Variants in SLC67A1 observed in about 807,000 individuals in gnomAD.
SLC67A1 encodes the protein solute carrier family 67 member A1.
At chr11:2,904,405 G>A in the SLC67A1 span, among the ~76,000 whole-genome samples, 282 of 152,328 alleles carry the variant, frequency 1.9e-3, 1 homozygote, top group African/African-American at 6.5e-3. Flanking sequence ...TGCCTCAGGC[G>A]CCCCGCCCAC....
At chr11:2,922,272 A>G in the SLC67A1 span, 9 of 1,533,104 alleles carry the variant, frequency 5.9e-6, no homozygotes, top group African/African-American at 1.4e-5. Flanking sequence ...GGGCGGTACC[A>G]TCTGTGCTTA....
At chr11:2,904,357 C>T in the SLC67A1 span, among the ~76,000 whole-genome samples, 19 of 152,200 alleles carry the variant, frequency 1.2e-4, no homozygotes, top group Non-Finnish European at 4.4e-5. Context: ...GGCAGAGGCT[C>T]CCAGCCCGAG....
the SLC67A1 span, chr11:2,903,888 A>C: frequency 5.2e-6 from 1 of 193,986 alleles, no homozygotes; most frequent in Non-Finnish European, 1.1e-5. Flanking sequence ...CTCTCCTTGC[A>C]CCTGCCCGCA....
At chr11:2,909,841 C>A in the SLC67A1 span, 1 of 1,027,800 alleles carries the variant, frequency 9.7e-7, no homozygotes, top group Admixed American at 3.4e-5. Flanking sequence ...GATGTGGCTA[C>A]TGGGGACGTC....
At chr11:2,912,257 T>C in the SLC67A1 span, among the ~76,000 whole-genome samples, 1 of 151,900 alleles carries the variant, frequency 6.6e-6, no homozygotes, top group Non-Finnish European at 1.5e-5. Flanking sequence ...CCAGACAGGG[T>C]GAGGGAGGCC....
the SLC67A1 span, chr11:2,903,510 C>T: frequency 1.9e-6 from 3 of 1,612,532 alleles, no homozygotes; most frequent in Admixed American, 3.3e-5. Context: ...CACCCCAGCC[C>T]CTGCAGCCCC....
chr11:2,910,673 T>C, the SLC67A1 span, among the ~76,000 whole-genome samples: 2 of 152,056 alleles, frequency 1.3e-5, no homozygotes, highest in East Asian at 3.9e-4. Flanking sequence ...GGACAGTGGC[T>C]GGACCAGAGG....
chr11:2,910,737 G>A, the SLC67A1 span, among the ~76,000 whole-genome samples: 1 of 152,282 alleles, frequency 6.6e-6, no homozygotes, highest in Non-Finnish European at 1.5e-5. Flanking sequence ...TTGCCAGTGG[G>A]TGGGATGTGG....
At chr11:2,909,704 C>A in the SLC67A1 span, 2 of 1,529,206 alleles carry the variant, frequency 1.3e-6, no homozygotes, top group African/African-American at 1.4e-5. Flanking sequence ...CTGGTCTCCG[C>A]GTACGGGTGA....
the SLC67A1 span, among the ~76,000 whole-genome samples, chr11:2,910,035 G>T: frequency 6.6e-6 from 1 of 152,184 alleles, no homozygotes; most frequent in Non-Finnish European, 1.5e-5. Context: ...TCCTGCTGGG[G>T]ACAGGAGCAC....
the SLC67A1 span, among the ~76,000 whole-genome samples, chr11:2,905,108 G>A: frequency 6.6e-6 from 1 of 152,170 alleles, no homozygotes; most frequent in Non-Finnish European, 1.5e-5. Flanking sequence ...AGTTTGAGAC[G>A]ATTTTCGACC....
the SLC67A1 span, chr11:2,902,050 T>C: frequency 6.6e-6 from 1 of 152,206 alleles, no homozygotes; most frequent in Non-Finnish European, 1.5e-5. Flanking sequence ...CCGGGCAGGA[T>C]TCAAGCTGGA....
At chr11:2,921,973 T>TTCTCTGCAGAGGGGCCC in the SLC67A1 span, 26 of 716,958 alleles carry the variant, frequency 3.6e-5, no homozygotes, top group African/African-American at 3.7e-4. Context: ...CTGAGGGGCC[T>TTCTCTGCAGAGGGGCCC]TCTCTGCAGA....
the SLC67A1 span, chr11:2,899,723 CA>C: frequency 0.085 from 122,209 of 1,433,020 alleles, 9,397 homozygotes; most frequent in East Asian, 0.48. Flanking sequence ...CTGTTCATGA[CA>C]AAAAAAAAGG....
At chr11:2,904,217 C>T in the SLC67A1 span, among the ~76,000 whole-genome samples, 1 of 152,210 alleles carries the variant, frequency 6.6e-6, no homozygotes, top group Admixed American at 6.5e-5. Context: ...CTCGGCCCTT[C>T]CTGTGTTTGC....
the SLC67A1 span, chr11:2,903,594 C>A: frequency 1.5e-6 from 2 of 1,295,376 alleles, no homozygotes; most frequent in Non-Finnish European, 2.2e-6. Context: ...GGGTTTCATG[C>A]TGCCAGGGCC....
At chr11:2,910,688 C>A in the SLC67A1 span, among the ~76,000 whole-genome samples, 7 of 151,894 alleles carry the variant, frequency 4.6e-5, no homozygotes, top group African/African-American at 1.7e-4. Context: ...CAGAGGGGAC[C>A]GTGATGAGAG....
At chr11:2,914,847 C>G in the SLC67A1 span, 258 of 985,468 alleles carry the variant, frequency 2.6e-4, no homozygotes, top group African/African-American at 4.1e-3. Flanking sequence ...AAGGGCCCGT[C>G]TCTCTGGGGC....
At chr11:2,919,185 C>T in the SLC67A1 span, 5 of 711,294 alleles carry the variant, frequency 7.0e-6, no homozygotes, top group African/African-American at 1.8e-5. Context: ...AGGCCCCTCC[C>T]TGAACCAGTC....
Sources: gnomAD v4.1 joint callset for allele counts (sites outside exome capture counted in the v4.1 genomes callset) on GRCh38, gnomAD v4.1.1 for gene constraint, MANE v1.5 for transcripts, NCBI Gene and HGNC (gene_info 2026-07-23, HGNC 2026-07-21) for gene names.